ANK3: variants seen among roughly 807,000 people sequenced by gnomAD.
ANK3 encodes the protein ankyrin 3.
Under a neutral mutation model 370.9 loss-of-function variants are expected in ANK3, and 57 were observed. The observed-to-expected ratio is 0.15, with a 90% CI of 0.12 to 0.19. The LOEUF (loss-of-function observed/expected upper bound fraction) is 0.19. ANK3 is among the 10% of genes least tolerant of loss of function. The pLI is 1.00. For missense variants in ANK3, 4,439 were observed against 5,302.1 expected, an observed-to-expected ratio of 0.84 and a Z score of 5.06; for synonymous variants, 1,929 against 1,946.3, an observed-to-expected ratio of 0.99 and a Z score of 0.23.
rs772481850 is a variant in ANK3, at chr10:60,072,882, G to A, written c.7999C>T (p.Pro2667Ser). 9 of 1,614,070 alleles carry A rather than the reference G, an allele frequency of 5.6e-6. No individual in the cohort carries two copies. Among genetic ancestry groups the A allele is most frequent in the Admixed American group, 5.0e-5 (3 of 59,992 alleles). Residue 2667 changes from proline to serine, a missense_variant, in exon 37 of 44, where the codon CCC becomes TCC. Transcript: ENST00000280772. ...TTCTCTGGGCTGCTGGGCAGACTGG[G>A]TGCCTTCTCCTCGGCCTTGGGGAAG... The part of the protein sequence containing the change: ...QGFPKAEEKA[P>S]SLPSSPEKMV...
intron 7 of ANK3, among the ~76,000 whole-genome samples, chr10:60,235,585 G>C (rs1465041242): frequency 8.7e-6 from 1 of 114,878 alleles, no homozygotes; most frequent in African/African-American, 3.3e-5. Context: ...TTCTTTTTAA[G>C]TGACAGAGTC....
At chr10:60,404,110 G>A (rs985582164) in intron 2 of ANK3, among the ~76,000 whole-genome samples, 1 of 151,846 alleles carries the variant, frequency 6.6e-6, no homozygotes, top group Admixed American at 6.6e-5. Flanking sequence ...TCTATATTAA[G>A]GTAAAAATCT....
rs967534271 is a variant in ANK3, at chr10:60,246,275, A to G, written c.799-11489T>C. ...TGTATCAAAAAAAAAAAAAAAAAAA[A>G]AAAAAAGAAAAAAGAAAAAAAGATG... On this transcript the variant is annotated intron_variant, in intron 7 of 43. Coordinates refer to ENST00000280772, the MANE Select transcript of ANK3 (RefSeq NM_020987.5). Among the ~76,000 whole-genome samples the G allele has an allele frequency of 1.5e-3, 168 of 112,976 alleles. 3 individuals are homozygous for G. Among genetic ancestry groups the G allele is most frequent in the African/African-American group, 2.2e-3 (76 of 35,168 alleles). The allele number at this position is 112,976 out of a possible 152,430, so 74.1% of individuals were successfully genotyped here.
At chr10:60,643,091 G>A (rs2078658490) in intron 1 of ANK3, among the ~76,000 whole-genome samples, 1 of 151,934 alleles carries the variant, frequency 6.6e-6, no homozygotes, top group African/African-American at 2.4e-5. Flanking sequence ...TTTTTAATCT[G>A]TCAGCCCTTC....
chr10:60,069,515 T>C lies in ANK3; in HGVS notation c.11366A>G (p.Asn3789Ser), dbSNP rs144123544. 967 of 1,613,656 alleles carry C rather than the reference T, an allele frequency of 6.0e-4. 5 individuals are homozygous for C. The highest frequency in any genetic ancestry group is 2.1e-3 in the South Asian group (189 of 90,898). The change falls in exon 37 of 44, where the codon AAC becomes AGC. Residue 3789 changes from asparagine (N) to serine (S), a missense_variant. Asn to Ser is a conservative substitution (Grantham distance 46). This residue lies in a region of ANK3 where 496 missense variants were observed against 529.3 expected (regional missense o/e 0.94). Transcript: ENST00000280772. ...TATAGTGGAAGAATCCAAATTGTTG[T>C]TGTTATTAAAGTTATCTTTTTGAAA... ...HDFQKDNFNN[N>S]NNLDSSTIQT...
At chr10:60,254,795 G>A (rs578036061) in intron 7 of ANK3, among the ~76,000 whole-genome samples, 1 of 152,340 alleles carries the variant, frequency 6.6e-6, no homozygotes, top group Non-Finnish European at 1.5e-5. Context: ...TCAAGTTGAA[G>A]TAACAGGAAT....
Position 60,172,411 on chromosome 10 carries a change from A to G in ANK3, c.2383-8T>C, listed in dbSNP as rs2095816589. 6.2e-7 allele frequency: 1 copy of G among 1,612,958 alleles called. No individual in the cohort carries two copies. Among genetic ancestry groups the G allele is most frequent in the African/African-American group, 1.3e-5 (1 of 74,920 alleles). On this transcript the variant is annotated splice_polypyrimidine_tract_variant and splice_region_variant and intron_variant, in intron 20 of 43. Coordinates refer to ENST00000280772, the MANE Select transcript of ANK3 (RefSeq NM_020987.5). ...AAGGGCAGTATTCCCATTCTGGCAA[A>G]AGGAAAATGTGAGTGAGGAATTAGC...
chr10:60,098,335 A>C (rs977135080), intron 28 of ANK3, among the ~76,000 whole-genome samples: 3 of 152,224 alleles, frequency 2.0e-5, no homozygotes, highest in African/African-American at 7.2e-5. Context: ...ATGAATTGCT[A>C]TCATTTCCAT....
At position 60,300,384 on chromosome 10, in the gene ANK3, C is replaced by T. The variant is rs765951714; in HGVS notation, c.115-20745G>A. ...TGTGGCCAAGTAAGAAACCTGATAACTCAATTAGTTAACACTTTGGACAGA... is the reference window on the plus strand; with the variant it reads ...TGTGGCCAAGTAAGAAACCTGATAATTCAATTAGTTAACACTTTGGACAGA... On this transcript the variant is annotated intron_variant, in intron 1 of 43. Coordinates refer to ENST00000280772, the MANE Select transcript of ANK3 (RefSeq NM_020987.5). The T allele has an allele frequency of 8.5e-6, 11 of 1,289,776 alleles. No homozygotes were observed. In the South Asian group the frequency reaches 1.1e-4, roughly 13 times the overall value. The allele number at this position is 1,289,776 out of a possible 1,614,324, so 79.9% of individuals were successfully genotyped here.
intron 7 of ANK3, among the ~76,000 whole-genome samples, chr10:60,235,866 T>G (rs1358746812): frequency 6.6e-6 from 1 of 152,218 alleles, no homozygotes; most frequent in African/African-American, 2.4e-5. Context: ...TCAGGGACTA[T>G]GCTAAACTCT....
At chr10:60,041,435 C>T (rs754124266) in intron 43 of ANK3, among the ~76,000 whole-genome samples, 4 of 152,208 alleles carry the variant, frequency 2.6e-5, no homozygotes, top group African/African-American at 9.6e-5. Context: ...GCAGCTTGTT[C>T]GGGTTTGTAT....
chr10:60,646,791 T>C (rs548733036), intron 1 of ANK3, among the ~76,000 whole-genome samples: 52 of 152,264 alleles, frequency 3.4e-4, no homozygotes, highest in African/African-American at 1.2e-3. Flanking sequence ...TGTAGAATGC[T>C]ATAAGCCAAG....
chr10:60,069,727 C>A lies in ANK3; in HGVS notation c.11154G>T (p.Leu3718Phe), dbSNP rs767429955. The change falls in exon 37 of 44, where the codon TTG becomes TTT. Residue 3718 changes from leucine to phenylalanine, a missense_variant. Around this residue, in one of 13 missense-constraint regions of ANK3, gnomAD observed 496 missense variants for 529.3 expected, o/e 0.94. Coordinates refer to ENST00000280772, the MANE Select transcript of ANK3 (RefSeq NM_020987.5). ...ATNTSKVDPKLRTPIKMGISA... is the reference protein window; with the variant it reads ...ATNTSKVDPKFRTPIKMGISA... ...AAATTCCCATTTTTATAGGCGTGCG[C>A]AACTTGGGGTCAACTTTAGAGGTGT... 2.5e-6 allele frequency: 4 copies of A among 1,613,718 alleles called. No individual in the cohort carries two copies. The highest frequency in any genetic ancestry group is 3.4e-6 in the Non-Finnish European group (4 of 1,179,888).
At chr10:60,376,051 G>A (rs2060728372) in intron 1 of ANK3, among the ~76,000 whole-genome samples, 1 of 152,020 alleles carries the variant, frequency 6.6e-6, no homozygotes, top group African/African-American at 2.4e-5. Flanking sequence ...AGGGCACAGG[G>A]GCTCAGAGAG....
At chr10:60,325,220 C>T (rs897360093) in intron 1 of ANK3, among the ~76,000 whole-genome samples, 1 of 152,202 alleles carries the variant, frequency 6.6e-6, no homozygotes, top group Non-Finnish European at 1.5e-5. Context: ...ATTCCTATTT[C>T]CTTGGTCTCT....
At chr10:60,451,403 A>G (rs1018654277) in intron 2 of ANK3, among the ~76,000 whole-genome samples, 1 of 152,200 alleles carries the variant, frequency 6.6e-6, no homozygotes, top group African/African-American at 2.4e-5. Context: ...TTTCAAAACC[A>G]TTGGCCTAGA....
At chr10:60,429,301 T>C (rs1037928232) in intron 2 of ANK3, among the ~76,000 whole-genome samples, 1 of 152,016 alleles carries the variant, frequency 6.6e-6, no homozygotes, top group Admixed American at 6.6e-5. Context: ...TGTTTCTCTG[T>C]AAGTCTAGGA....
intron 2 of ANK3, among the ~76,000 whole-genome samples, chr10:60,433,436 A>G (rs547304490): frequency 1.3e-5 from 2 of 152,246 alleles, no homozygotes; most frequent in African/African-American, 4.8e-5. Flanking sequence ...CTAAAAATAT[A>G]AAAATTAGCC....
chr10:60,211,589 T>C (rs2096854726), intron 9 of ANK3, among the ~76,000 whole-genome samples: 1 of 152,112 alleles, frequency 6.6e-6, no homozygotes, highest in African/African-American at 2.4e-5. Context: ...CAGTAATCAC[T>C]ATGTAAAATA....
Sources: allele counts gnomAD v4.1 joint callset (sites outside exome capture counted in the v4.1 genomes callset), GRCh38; gene constraint gnomAD v4.1.1; regional missense constraint gnomAD v4.1.1; transcripts MANE v1.5; gene names NCBI Gene and HGNC (gene_info 2026-07-23, HGNC 2026-07-21).